Variants in PYHIN1 observed in about 807,000 individuals in gnomAD.
PYHIN1 encodes pyrin and HIN domain-containing protein 1.
PYHIN1 carries 32 observed loss-of-function variants against 43.7 expected under a neutral mutation model. The observed-to-expected ratio is 0.73, with a 90% CI of 0.55 to 0.98. The LOEUF is 0.98. Ranked by LOEUF, PYHIN1 falls within the 50% of genes least tolerant of loss-of-function variation. PYHIN1 has a pLI of 0.00. For synonymous variants in PYHIN1, 205 were observed against 203.1 expected, an observed-to-expected ratio of 1.01 and a Z score of -0.08; for missense variants, 588 against 589.5, an observed-to-expected ratio of 1.00 and a Z score of 0.03.
chr1:158,952,572 G>C (rs550559524), intron 7 of PYHIN1, among the ~76,000 whole-genome samples: 7 of 152,110 alleles, frequency 4.6e-5, no homozygotes, highest in South Asian at 4.1e-4. Context: ...GGTGATATTG[G>C]GGCTGAGGGA....
chr1:158,988,826 T>C, the PYHIN1 span, among the ~76,000 whole-genome samples: 2 of 152,208 alleles, frequency 1.3e-5, no homozygotes, highest in Admixed American at 1.3e-4. Context: ...AAAATGCTTA[T>C]TCTATTCACA....
At chr1:158,950,260 A>G (rs1360555267) in intron 7 of PYHIN1, among the ~76,000 whole-genome samples, 5 of 152,262 alleles carry the variant, frequency 3.3e-5, no homozygotes, top group Non-Finnish European at 7.3e-5. Context: ...AACAGAAAGC[A>G]TAGCAAGAAG....
chr1:158,990,267 A>T, the PYHIN1 span, among the ~76,000 whole-genome samples: 106 of 152,334 alleles, frequency 7.0e-4, no homozygotes, highest in African/African-American at 2.4e-3. Context: ...TTTAGTTATT[A>T]GATTAATTTA....
chr1:158,945,718 G>C (rs72704921), intron 7 of PYHIN1, among the ~76,000 whole-genome samples: 17,010 of 152,074 alleles, frequency 0.11, 1,101 homozygotes, highest in Non-Finnish European at 0.12. Flanking sequence ...CCCTTAATAG[G>C]GTCAGTGTAG....
chr1:158,978,960 A>C (rs1022756823), downstream of PYHIN1, among the ~76,000 whole-genome samples: 9 of 152,176 alleles, frequency 5.9e-5, no homozygotes, highest in Non-Finnish European at 1.2e-4. Context: ...GCTCACAGAG[A>C]TCTAACCTAC....
rs202091708 is a variant in PYHIN1, at chr1:158,973,734, A to G, written c.1447A>G (p.Thr483Ala). 6.2e-7 allele frequency: 1 copy of G among 1,613,098 alleles called. No homozygotes were observed. Among genetic ancestry groups the G allele is most frequent in the South Asian group, 1.1e-5 (1 of 91,040 alleles). The part of the protein sequence containing the change: ...PTVAPPLSSD[T>A]STNRHPAVP The stretch of plus-strand genomic sequence containing the variant: ...TGTGGCCCCTCCTCTTTCTTCTGAC[A>G]CTTCCACCAACCGCCATCCAGCAGT... The change falls in exon 8 of 9, where the codon ACT (threonine) becomes GCT (alanine). Residue 483 changes from threonine to alanine, a missense_variant. Transcript: ENST00000368140.
intron 7 of PYHIN1, among the ~76,000 whole-genome samples, chr1:158,946,491 C>G (rs904620729): frequency 1.3e-5 from 2 of 152,116 alleles, no homozygotes; most frequent in Non-Finnish European, 1.5e-5. Context: ...GACTACAAAA[C>G]AGCAGAATTC....
Position 158,956,353 on chromosome 1 carries a change from A to G in PYHIN1, c.1359+11311A>G, listed in dbSNP as rs557565446. On this transcript the variant is annotated intron_variant, in intron 7 of 8. Coordinates refer to ENST00000368140, the MANE Select transcript of PYHIN1 (RefSeq NM_152501.5). ...GATGAACATTGATGCACAAATCCTCAATAAAATACTGGCAAAACGAATCCA... is the reference window on the plus strand; with the variant it reads ...GATGAACATTGATGCACAAATCCTCGATAAAATACTGGCAAAACGAATCCA... 2.6e-5 allele frequency among the ~76,000 whole-genome samples: 4 copies of G among 152,334 alleles called. No homozygotes were observed. In the East Asian group the frequency reaches 5.8e-4, roughly 22 times the overall value.
At chr1:158,967,870 C>T (rs1571777984) in intron 7 of PYHIN1, among the ~76,000 whole-genome samples, 1 of 152,112 alleles carries the variant, frequency 6.6e-6, no homozygotes, top group East Asian at 1.9e-4. Flanking sequence ...ATAAATGGTG[C>T]TGAGATAACT....
At chr1:158,957,659 A>G (rs375828910) in intron 7 of PYHIN1, among the ~76,000 whole-genome samples, 1 of 142,224 alleles carries the variant, frequency 7.0e-6, no homozygotes, top group Non-Finnish European at 1.5e-5. Context: ...ACCCTAGAAG[A>G]AAACCTAGGC....
chr1:158,942,152 T>C lies in PYHIN1; in HGVS notation c.755T>C (p.Val252Ala). Residue 252 changes from valine (V) to alanine (A), a missense_variant, in exon 5 of 9, where the codon GTG becomes GCG. By Grantham distance (64) the Val-to-Ala change is moderately conservative. Transcript: ENST00000368140. ...GCTACGCAGACACAGTTCTTTCATG[T>C]GAAGGTTTTAAACATCAACTTGAAG... ...TVATQTQFFHVKVLNINLKRK... is the reference protein window; with the variant it reads ...TVATQTQFFHAKVLNINLKRK... 1 of 1,614,148 alleles carries C rather than the reference T, an allele frequency of 6.2e-7. No homozygotes were observed. Among genetic ancestry groups the C allele is most frequent in the South Asian group, 1.1e-5 (1 of 91,078 alleles).
intron 7 of PYHIN1, among the ~76,000 whole-genome samples, chr1:158,952,273 C>T (rs1219633066): frequency 1.3e-5 from 2 of 152,086 alleles, no homozygotes; most frequent in African/African-American, 4.8e-5. Flanking sequence ...CATTAGCTGG[C>T]TGCGGATTTG....
rs1571721953 is a variant in PYHIN1, at chr1:158,938,552, A to G, written c.411+10A>G. ...GACTCTTGGACCTCAGGTAAGCTTCAGGAAGAGGAGCAGGCTTCAAGTCTC... is the reference window on the plus strand; with the variant it reads ...GACTCTTGGACCTCAGGTAAGCTTCGGGAAGAGGAGCAGGCTTCAAGTCTC... On this transcript the variant is annotated intron_variant, in intron 3 of 8. Coordinates refer to ENST00000368140, the MANE Select transcript of PYHIN1 (RefSeq NM_152501.5). 1.9e-6 allele frequency: 3 copies of G among 1,613,682 alleles called. No homozygotes were observed. Among genetic ancestry groups the G allele is most frequent in the East Asian group, 4.5e-5 (2 of 44,880 alleles).
At chr1:158,960,695 T>C (rs1213682688) in intron 7 of PYHIN1, among the ~76,000 whole-genome samples, 2 of 152,224 alleles carry the variant, frequency 1.3e-5, no homozygotes, top group Non-Finnish European at 2.9e-5. Flanking sequence ...ATTCTTATCA[T>C]TGATGTCTTA....
At chr1:158,950,921 A>G (rs947025557) in intron 7 of PYHIN1, among the ~76,000 whole-genome samples, 1 of 152,224 alleles carries the variant, frequency 6.6e-6, no homozygotes, top group African/African-American at 2.4e-5. Context: ...CATAAGTGCA[A>G]AAGTTAATGA....
At chr1:158,942,963 T>C (rs1307358908) in intron 5 of PYHIN1, among the ~76,000 whole-genome samples, 1 of 152,150 alleles carries the variant, frequency 6.6e-6, no homozygotes, top group Non-Finnish European at 1.5e-5. Context: ...TGGGTGATAC[T>C]TGGAGAATCA....
At chr1:158,941,770 G>C (rs2101656819) in intron 4 of PYHIN1, among the ~76,000 whole-genome samples, 1 of 152,234 alleles carries the variant, frequency 6.6e-6, no homozygotes, top group Middle Eastern at 3.4e-3. Context: ...TTTAAAGAAA[G>C]TCTTCTTTTA....
intron 7 of PYHIN1, among the ~76,000 whole-genome samples, chr1:158,969,210 C>T (rs12071867): frequency 0.02 from 2,975 of 152,016 alleles, 104 homozygotes; most frequent in African/African-American, 0.069. Flanking sequence ...AGTCAGACAT[C>T]GTTATGGTTT....
chr1:158,955,303 T>C (rs1210074758), intron 7 of PYHIN1, among the ~76,000 whole-genome samples: 1 of 151,672 alleles, frequency 6.6e-6, no homozygotes, highest in Admixed American at 6.6e-5. Flanking sequence ...ATATACATTT[T>C]TTTCAGCACC....
Sources: allele counts gnomAD v4.1 joint callset (sites outside exome capture counted in the v4.1 genomes callset), GRCh38; gene constraint gnomAD v4.1.1; transcripts MANE v1.5; gene names NCBI Gene and HGNC (gene_info 2026-07-23, HGNC 2026-07-21).